Variants in ASTN1 observed in about 807,000 individuals in gnomAD.
ASTN1 encodes astrotactin-1.
A neutral mutation model predicts 140.7 loss-of-function variants in ASTN1; 41 were observed. That is an observed-to-expected ratio of 0.29 (90% CI 0.23 to 0.38). The LOEUF is 0.38. Among genes scored for constraint, ASTN1 ranks in the 10% least tolerant of loss-of-function variants. The pLI is 1.00. For missense variants in ASTN1, 1,479 were observed against 1,678.8 expected, an observed-to-expected ratio of 0.88 and a Z score of 2.08; for synonymous variants, 640 against 652.2, an observed-to-expected ratio of 0.98 and a Z score of 0.29.
At chr1:176,894,883 A>G (rs1669440881) in intron 16 of ASTN1, 53 bp from the exon 17 acceptor site, 5 of 1,602,350 alleles carry the variant, frequency 3.1e-6, no homozygotes, top group East Asian at 2.2e-5. Context: ...AGTAAGGACT[A>G]TCATGACCTC....
At chr1:177,035,336 G>A (rs1676660400) in intron 2 of ASTN1, among the ~76,000 whole-genome samples, 1 of 152,204 alleles carries the variant, frequency 6.6e-6, no homozygotes, top group South Asian at 2.1e-4. Flanking sequence ...CACAACATAA[G>A]AGGACAGAAT....
intron 8 of ASTN1, among the ~76,000 whole-genome samples, chr1:177,002,335 G>A (rs1384756605): frequency 2.0e-5 from 3 of 150,868 alleles, no homozygotes; most frequent in African/African-American, 7.3e-5. Flanking sequence ...TCTGGTCAAT[G>A]TACTACCGAC....
rs1200261285 is a variant in ASTN1, at chr1:176,991,413, C to CAA, written c.1523+23376_1523+23377dup. ...GGGCAACAAACGCTAAACTCTGTCT[C>CAA]AAAAAAAAAAAAAAAAAAAAACCAA... On this transcript the variant is annotated intron_variant, in intron 8 of 22. Transcript: ENST00000361833. 3.8e-3 allele frequency among the ~76,000 whole-genome samples: 420 copies of CAA among 109,300 alleles called. 3 individuals carry two copies. Among genetic ancestry groups the CAA allele is most frequent in the African/African-American group, 0.012 (353 of 30,538 alleles). The allele number at this position is 109,300 out of a possible 152,430, so 71.7% of individuals were successfully genotyped here. A position where few individuals can be genotyped will look rare whatever the true frequency, so the allele number is the denominator to read the frequency against.
At chr1:177,033,964 A>G (rs953300885) in intron 2 of ASTN1, among the ~76,000 whole-genome samples, 1 of 152,074 alleles carries the variant, frequency 6.6e-6, no homozygotes, top group African/African-American at 2.4e-5. Flanking sequence ...TTTGGTCAAT[A>G]TCTTTCCAAA....
rs1368166205 is a variant in ASTN1, at chr1:176,934,236, C to T, written c.2587G>A (p.Gly863Ser). Residue 863 changes from glycine (G) to serine (S), a missense_variant, in exon 16 of 23, where the codon GGC becomes AGC. Gly to Ser is a moderately conservative substitution (Grantham distance 56, BLOSUM62 0). Transcript: ENST00000361833. ...CAGATAGAACAGGACTCCTCAAAGC[C>T]GTAGATAGCTTCCTGGATGTAATGG... ...GNHYIQEAIY[G>S]FEESCSIWYP... 1.9e-6 allele frequency: 3 copies of T among 1,613,940 alleles called. No individual in the cohort carries two copies. Among genetic ancestry groups the T allele is most frequent in the Admixed American group, 3.3e-5 (2 of 60,002 alleles).
chr1:177,141,287 T>C lies in ASTN1; in HGVS notation c.283+23107A>G, dbSNP rs370594157. On this transcript the variant is annotated intron_variant, in intron 1 of 22. Coordinates refer to ENST00000361833, the MANE Select transcript of ASTN1 (RefSeq NM_004319.3). ...AGGATTGTTGTAGTACCTGAGCTAA[T>C]AGAGGAAAAGTACTTAGCTCAGGAC... 7.2e-5 allele frequency among the ~76,000 whole-genome samples: 11 copies of C among 152,180 alleles called. No homozygotes were observed. In the East Asian group the frequency reaches 2.1e-3, roughly 29 times the overall value.
intron 2 of ASTN1, among the ~76,000 whole-genome samples, chr1:177,039,724 G>A (rs183719600): frequency 6.6e-6 from 1 of 152,316 alleles, no homozygotes; most frequent in East Asian, 1.9e-4. Flanking sequence ...TTCAGTGATT[G>A]TAAGAAATGC....
At chr1:176,897,468 C>CA (rs1415311962) in intron 16 of ASTN1, among the ~76,000 whole-genome samples, 12 of 152,202 alleles carry the variant, frequency 7.9e-5, no homozygotes, top group African/African-American at 2.6e-4. Context: ...AACTGACCCG[C>CA]AGCCCTCCTT....
At chr1:176,931,874 A>G (rs535067898) in intron 16 of ASTN1, among the ~76,000 whole-genome samples, 99 of 152,344 alleles carry the variant, frequency 6.5e-4, no homozygotes, top group African/African-American at 2.3e-3. Flanking sequence ...TGAGAATTCT[A>G]TGACTTTGTA....
In ASTN1 at chr1:177,128,647, C is replaced by CT. The variant is rs146278187; in HGVS notation, c.283+35746dup. Reference sequence around the variant, plus strand: ...ACATCTGTGAGAAAATCACTCTTCCCTTTTTTCTGTGATTTCAAAAGTGTG... The same window carrying CT: ...ACATCTGTGAGAAAATCACTCTTCCCTTTTTTTCTGTGATTTCAAAAGTGTG... On this transcript the variant is annotated intron_variant, in intron 1 of 22. Coordinates refer to ENST00000361833, the MANE Select transcript of ASTN1 (RefSeq NM_004319.3). 5.5e-3 allele frequency among the ~76,000 whole-genome samples: 830 copies of CT among 152,236 alleles called. 9 individuals are homozygous for CT. The highest frequency in any genetic ancestry group is 0.019 in the African/African-American group (796 of 41,538).
intron 8 of ASTN1, among the ~76,000 whole-genome samples, chr1:176,977,500 A>G (rs1399809524): frequency 6.6e-6 from 1 of 152,222 alleles, no homozygotes; most frequent in Non-Finnish European, 1.5e-5. Context: ...CTACACAGAT[A>G]AAAGGCCGGG....
chr1:176,995,797 C>G (rs142150306), intron 8 of ASTN1, among the ~76,000 whole-genome samples: 1 of 152,182 alleles, frequency 6.6e-6, no homozygotes, highest in African/African-American at 2.4e-5. Context: ...GGGGATAAAT[C>G]AGGGGGCAGG....
chr1:177,148,447 G>C (rs375848977), intron 1 of ASTN1, among the ~76,000 whole-genome samples: 215 of 151,118 alleles, frequency 1.4e-3, no homozygotes, highest in African/African-American at 4.9e-3. Context: ...AATTTTCAAA[G>C]TAATATGAGG....
intron 5 of ASTN1, chr1:177,029,358 A>G: frequency 1.5e-6 from 1 of 647,050 alleles, no homozygotes; most frequent in Non-Finnish European, 3.0e-6. Flanking sequence ...CTTCCAGAAG[A>G]AATTGAGAGT....
At position 177,136,848 on chromosome 1, in the gene ASTN1, A is replaced by T. The variant is rs185136240; in HGVS notation, c.283+27546T>A. On this transcript the variant is annotated intron_variant, in intron 1 of 22. Coordinates refer to ENST00000361833, the MANE Select transcript of ASTN1 (RefSeq NM_004319.3). ...GCATTCTATTCACATGGAAATAGACATATTATACTTGGTTTCTGCTTTAAA... is the reference window on the plus strand; with the variant it reads ...GCATTCTATTCACATGGAAATAGACTTATTATACTTGGTTTCTGCTTTAAA... 2.4e-4 allele frequency among the ~76,000 whole-genome samples: 36 copies of T among 152,340 alleles called. No homozygotes were observed. The East Asian group carries it at 6.8e-3, about 29-fold the overall frequency.
Position 176,943,902 on chromosome 1 carries a change from T to C in ASTN1, c.2366A>G (p.Asp789Gly). ...GAAGGCACACTCACCAGTCAGGAAG[T>C]CAGGGTCAGGGGTGGGCTCCGAGAT... The part of the protein sequence containing the change: ...EEISEPTPDP[D>G]FLTGMVNFSE... Residue 789 changes from aspartate (D) to glycine (G), a missense_variant, in exon 14 of 23, where the codon GAC becomes GGC. Transcript: ENST00000361833. 1 of 1,606,148 alleles carries C rather than the reference T, an allele frequency of 6.2e-7. No homozygotes were observed. Among genetic ancestry groups the C allele is most frequent in the Non-Finnish European group, 8.5e-7 (1 of 1,175,110 alleles).
At chr1:177,052,050 C>A (rs547594805) in intron 2 of ASTN1, among the ~76,000 whole-genome samples, 5 of 152,184 alleles carry the variant, frequency 3.3e-5, no homozygotes, top group South Asian at 2.1e-4. Flanking sequence ...TCATAAGACG[C>A]CTGGTGGGAA....
intron 11 of ASTN1, among the ~76,000 whole-genome samples, chr1:176,950,911 C>T (rs1030909729): frequency 6.6e-6 from 1 of 152,126 alleles, no homozygotes; most frequent in East Asian, 1.9e-4. Flanking sequence ...CTGGTTTGCA[C>T]TTTCTCTTTG....
chr1:176,868,395 T>C (rs1668204870), intron 22 of ASTN1, among the ~76,000 whole-genome samples: 1 of 152,228 alleles, frequency 6.6e-6, no homozygotes, highest in Non-Finnish European at 1.5e-5. Context: ...CTTTGGCTAC[T>C]CTCATGTTGC....
Sources: allele counts gnomAD v4.1 joint callset (sites outside exome capture counted in the v4.1 genomes callset), GRCh38; gene constraint gnomAD v4.1.1; transcripts MANE v1.5; gene names NCBI Gene and HGNC (gene_info 2026-07-23, HGNC 2026-07-21).